The following CSMD1 variants were observed in gnomAD, a reference collection of about 807,000 sequenced individuals.
CSMD1 encodes the protein CUB and Sushi multiple domains 1.
A neutral mutation model predicts 417.5 loss-of-function variants in CSMD1; 213 were observed. That is an observed-to-expected ratio of 0.51 (90% confidence interval 0.46 to 0.57). The LOEUF is 0.57. CSMD1 is among the 20% of genes least tolerant of loss of function. The pLI is 0.00. For missense variants in CSMD1, 6,923 were observed against 4,529.7 expected (o/e 1.53, Z -15.17); for synonymous variants, 2,862 against 1,736.8 (o/e 1.65, Z -16.11).
At chr8:4,830,079 G>T (rs962393538) in intron 1 of CSMD1, among the ~76,000 whole-genome samples, 1 of 152,178 alleles carries the variant, frequency 6.6e-6, no homozygotes, top group Non-Finnish European at 1.5e-5. Context: ...CTAGGCCAGG[G>T]ATACCCAGGT....
At chr8:4,315,819 T>C (rs1563441330) in intron 3 of CSMD1, among the ~76,000 whole-genome samples, 1 of 152,138 alleles carries the variant, frequency 6.6e-6, no homozygotes, top group Non-Finnish European at 1.5e-5. Flanking sequence ...TTCTTTATTC[T>C]TCAGAAGCGT....
chr8:3,980,313 G>T (rs1226524667), intron 5 of CSMD1, among the ~76,000 whole-genome samples: 1 of 152,182 alleles, frequency 6.6e-6, no homozygotes, highest in African/African-American at 2.4e-5. Flanking sequence ...TTGTCACACT[G>T]TAATATGCGT....
At chr8:4,876,547 C>T (rs1304149399) in intron 1 of CSMD1, among the ~76,000 whole-genome samples, 3 of 152,080 alleles carry the variant, frequency 2.0e-5, no homozygotes, top group South Asian at 2.1e-4. Context: ...CATTTCAATG[C>T]TTTCTCAATT....
At chr8:4,907,279 C>G (rs1461880234) in intron 1 of CSMD1, among the ~76,000 whole-genome samples, 2 of 152,002 alleles carry the variant, frequency 1.3e-5, no homozygotes, top group Non-Finnish European at 2.9e-5. Flanking sequence ...TGTGATGTAC[C>G]TTCTGCATTG....
At chr8:4,467,513 C>T (rs1043354122) in intron 2 of CSMD1, among the ~76,000 whole-genome samples, 3 of 152,318 alleles carry the variant, frequency 2.0e-5, no homozygotes, top group East Asian at 3.9e-4. Context: ...GACTTAAGCA[C>T]AGACAACTTT....
At chr8:3,392,298 A>G (rs1811398893) in intron 17 of CSMD1, among the ~76,000 whole-genome samples, 1 of 151,972 alleles carries the variant, frequency 6.6e-6, no homozygotes, top group Non-Finnish European at 1.5e-5. Context: ...TTTTCACTTG[A>G]AAAAAAATAA....
chr8:3,874,734 A>G lies in CSMD1; in HGVS notation c.819-120692T>C, dbSNP rs976276761. The stretch of plus-strand genomic sequence containing the variant: ...CGACTGGCGCCCACTGCTCTTGGCA[A>G]TGGAGGTGAGAACATACCATGTCTG... On this transcript the variant is annotated intron_variant, in intron 5 of 69. Coordinates refer to ENST00000635120, the MANE Select transcript of CSMD1 (RefSeq NM_033225.6). Among the ~76,000 whole-genome samples, 3 of 152,246 alleles carry G rather than the reference A, an allele frequency of 2.0e-5. No homozygotes were observed. The East Asian group carries it at 5.8e-4, about 29-fold the overall frequency.
chr8:3,574,826 T>G, intron 10 of CSMD1, 119 bp downstream of exon 10: 1 of 1,227,898 alleles, frequency 8.1e-7, no homozygotes, highest in African/African-American at 1.5e-5. Flanking sequence ...AGCTGGAACT[T>G]TTAAATTCAA....
intron 26 of CSMD1, among the ~76,000 whole-genome samples, chr8:3,266,545 G>C (rs528473468): frequency 6.9e-6 from 1 of 145,802 alleles, no homozygotes; most frequent in East Asian, 2.2e-4. Flanking sequence ...GGCAGAGGTT[G>C]CAGTGAGCCG....
intron 3 of CSMD1, among the ~76,000 whole-genome samples, chr8:4,104,685 C>A (rs773839199): frequency 6.6e-6 from 1 of 152,166 alleles, no homozygotes; most frequent in East Asian, 1.9e-4. Flanking sequence ...CAGCACAGTT[C>A]CAGGCGGTTT....
In CSMD1 at chr8:3,274,505, T is replaced by G. The variant is rs574808832; in HGVS notation, c.4153+9639A>C. On this transcript the variant is annotated intron_variant, in intron 26 of 69. Transcript: ENST00000635120. ...GCTTGTTGACTTTCTGTCTTGTTGA[T>G]CTGTCTAAAGTTGACAGTGGGGTGT... 5.3e-5 allele frequency among the ~76,000 whole-genome samples: 8 copies of G among 152,294 alleles called. No individual in the cohort carries two copies. In the South Asian group the frequency reaches 1.7e-3, roughly 32 times the overall value.
rs112233796 is a variant in CSMD1, at chr8:3,680,893, T to A, written c.1009+27521A>T. Among the ~76,000 whole-genome samples, 321 of 152,138 alleles carry A rather than the reference T, an allele frequency of 2.1e-3. 4 individuals are homozygous for A. The highest frequency in any genetic ancestry group is 7.4e-3 in the African/African-American group (306 of 41,472). The stretch of plus-strand genomic sequence containing the variant: ...GCAAGGCTGGTTCAATATACGCAAA[T>A]CAGTAAACGTAATCCAGCATATAAA... On this transcript the variant is annotated intron_variant, in intron 7 of 69. Coordinates refer to ENST00000635120, the MANE Select transcript of CSMD1 (RefSeq NM_033225.6).
At chr8:4,466,281 G>A (rs568662139) in intron 2 of CSMD1, among the ~76,000 whole-genome samples, 1 of 152,060 alleles carries the variant, frequency 6.6e-6, no homozygotes, top group South Asian at 2.1e-4. Flanking sequence ...AGCTTGATGA[G>A]GAAGAAAACA....
chr8:4,428,287 A>T (rs138922491), intron 2 of CSMD1, among the ~76,000 whole-genome samples: 3 of 152,220 alleles, frequency 2.0e-5, no homozygotes, highest in Admixed American at 6.5e-5. Context: ...GACAGCTTGT[A>T]CCAAGACAAC....
At chr8:2,972,899 C>T (rs140394170) in intron 57 of CSMD1, among the ~76,000 whole-genome samples, 2 of 152,292 alleles carry the variant, frequency 1.3e-5, no homozygotes, top group African/African-American at 2.4e-5. Flanking sequence ...AACTTTCAAA[C>T]AATAAGCATC....
rs952308027 is a variant in CSMD1 at position 3,407,883 on chromosome 8, G to T, written c.2071+16C>A. ...AAATGAGAACTTGGATGTGTTGACT[G>T]TGTGGGCGTACTTACTGGTGTAAGT... is the stretch of plus-strand genomic sequence containing the variant. On this transcript the variant is annotated intron_variant, in intron 14 of 69. Transcript: ENST00000635120. 1.5e-5 allele frequency: 23 copies of T among 1,585,968 alleles called. No individual in the cohort carries two copies. The highest frequency in any genetic ancestry group is 1.8e-5 in the Non-Finnish European group (21 of 1,161,846).
chr8:3,743,980 C>T (rs143414385), intron 6 of CSMD1, among the ~76,000 whole-genome samples: 31 of 152,292 alleles, frequency 2.0e-4, no homozygotes, highest in African/African-American at 7.2e-4. Context: ...ATTATCTTCC[C>T]CTACCCCCGT....
At chr8:3,389,089 G>C (rs1372244956) in intron 17 of CSMD1, among the ~76,000 whole-genome samples, 3 of 152,190 alleles carry the variant, frequency 2.0e-5, no homozygotes, top group Non-Finnish European at 4.4e-5. Context: ...ACCCAGTGCT[G>C]GGTGAATGAT....
At chr8:4,558,520 G>C (rs1003212142) in intron 2 of CSMD1, among the ~76,000 whole-genome samples, 30 of 152,242 alleles carry the variant, frequency 2.0e-4, no homozygotes, top group Middle Eastern at 6.8e-3. Flanking sequence ...CTGAGCTTAA[G>C]ACAGGAAGAC....
Sources: allele counts gnomAD v4.1 joint callset (sites outside exome capture counted in the v4.1 genomes callset), GRCh38; gene constraint gnomAD v4.1.1; transcripts MANE v1.5; gene names NCBI Gene and HGNC (gene_info 2026-07-23, HGNC 2026-07-21).